The following CCDC14 variants were observed in gnomAD, a reference collection of about 807,000 sequenced individuals.
CCDC14 encodes the protein coiled-coil domain-containing protein 14.
A neutral mutation model predicts 81.4 loss-of-function variants in CCDC14; 71 were observed. That is an observed-to-expected ratio of 0.87 (90% CI 0.72 to 1.06). CCDC14 has a LOEUF of 1.06. Ranked by LOEUF, CCDC14 falls within the 50% of genes least tolerant of loss-of-function variation. The pLI is 0.00. For synonymous variants in CCDC14, 332 were observed against 364.8 expected, an observed-to-expected ratio of 0.91 and a Z score of 1.03; for missense variants, 1,046 against 1,047.3, an observed-to-expected ratio of 1.00 and a Z score of 0.02.
At chr3:123,929,111 A>G (rs746688560) in intron 12 of CCDC14, among the ~76,000 whole-genome samples, 20 of 152,318 alleles carry the variant, frequency 1.3e-4, no homozygotes, top group Admixed American at 2.6e-4. Context: ...CCTCCGCTTC[A>G]TCGGATTTTC....
At chr3:123,902,005 T>C (rs2034188543) in intron 5 of CCDC14, among the ~76,000 whole-genome samples, 1 of 152,056 alleles carries the variant, frequency 6.6e-6, no homozygotes, top group South Asian at 2.1e-4. Flanking sequence ...ATAACAGACA[T>C]AGTAAAGCTT....
chr3:123,915,372 C>T lies in CCDC14; in HGVS notation c.2125G>A (p.Asp709Asn). 1 of 1,613,670 alleles carries T rather than the reference C, an allele frequency of 6.2e-7. No homozygotes were observed. The highest frequency in any genetic ancestry group is 8.5e-7 in the Non-Finnish European group (1 of 1,179,730). Residue 709 changes from aspartate (D) to asparagine (N), a missense_variant, in exon 13 of 13, where the codon GAT becomes AAT. Transcript: ENST00000409697. ...ATAGTTTCACTCCCTTCATCAGAATCCTGTTTTGAAAGGGCAGAAATAATT... is the reference window on the plus strand; with the variant it reads ...ATAGTTTCACTCCCTTCATCAGAATTCTGTTTTGAAAGGGCAGAAATAATT... The part of the protein sequence containing the change: ...PGIISALSKQ[D>N]SDEGSETMAL...
intron 9 of CCDC14, among the ~76,000 whole-genome samples, chr3:123,937,112 C>T (rs987192591): frequency 7.9e-5 from 12 of 152,124 alleles, no homozygotes; most frequent in Non-Finnish European, 1.5e-4. Context: ...TTTATCCATT[C>T]ACCTATTGAT....
chr3:123,949,782 T>C (rs544721647), intron 5 of CCDC14, among the ~76,000 whole-genome samples: 1 of 152,234 alleles, frequency 6.6e-6, no homozygotes, highest in Non-Finnish European at 1.5e-5. Flanking sequence ...AAGGCTCATC[T>C]GAGTTTTCTT....
chr3:123,919,326 G>C (rs920209848), intron 12 of CCDC14, among the ~76,000 whole-genome samples: 3 of 152,186 alleles, frequency 2.0e-5, no homozygotes, highest in Non-Finnish European at 4.4e-5. Flanking sequence ...TCCAGCCTGA[G>C]GTTTTGCCCA....
At chr3:123,936,442 A>C (rs2036060059) in intron 9 of CCDC14, among the ~76,000 whole-genome samples, 1 of 152,092 alleles carries the variant, frequency 6.6e-6, no homozygotes, top group Non-Finnish European at 1.5e-5. Context: ...AAAGTGTGTC[A>C]TTTTATTTTC....
intron 9 of CCDC14, among the ~76,000 whole-genome samples, chr3:123,943,247 T>C (rs2036454546): frequency 1.3e-5 from 2 of 152,006 alleles, no homozygotes; most frequent in African/African-American, 4.8e-5. Context: ...TACCTTTTAT[T>C]AAAATATTTG....
intron 9 of CCDC14, among the ~76,000 whole-genome samples, chr3:123,940,013 A>C (rs1319356237): frequency 6.6e-6 from 1 of 151,762 alleles, no homozygotes; most frequent in African/African-American, 2.4e-5. Context: ...AAAAAGGTAA[A>C]TATTATATAT....
chr3:123,915,140 G>A lies in CCDC14; in HGVS notation c.2357C>T (p.Ser786Leu). ...AGGTGCATCTTCTGCTTCCTTTGTT[G>A]AAGAGGAACAGATTACAGGTGTACA... The part of the protein sequence containing the change: ...KLCTPVICSS[S>L]TKEAEDAPEK... Residue 786 changes from serine to leucine, a missense_variant, in exon 13 of 13, where the codon TCA becomes TTA. Ser to Leu is a moderately radical substitution (Grantham distance 145). Transcript: ENST00000409697. 6.2e-7 allele frequency: 1 copy of A among 1,613,838 alleles called. No homozygotes were observed. Among genetic ancestry groups the A allele is most frequent in the Non-Finnish European group, 8.5e-7 (1 of 1,179,814 alleles).
At chr3:123,890,834 G>A in the CCDC14 span, among the ~76,000 whole-genome samples, 8 of 152,162 alleles carry the variant, frequency 5.3e-5, no homozygotes, top group African/African-American at 1.9e-4. Flanking sequence ...ACCCTAGTAG[G>A]GACTCTGTGT....
intron 12 of CCDC14, among the ~76,000 whole-genome samples, chr3:123,927,034 G>C (rs898310323): frequency 6.6e-6 from 1 of 152,156 alleles, no homozygotes; most frequent in African/African-American, 2.4e-5. Flanking sequence ...ATTGCATAGG[G>C]TGTCATCAAA....
downstream of CCDC14, among the ~76,000 whole-genome samples, chr3:123,892,458 A>AC (rs1297755533): frequency 6.6e-6 from 1 of 152,208 alleles, no homozygotes; most frequent in East Asian, 1.9e-4. Context: ...AGGAGGGGCT[A>AC]CAGTGAAGGT....
intron 9 of CCDC14, among the ~76,000 whole-genome samples, chr3:123,943,704 A>G (rs1160120672): frequency 6.6e-6 from 1 of 152,122 alleles, no homozygotes; most frequent in Admixed American, 6.6e-5. Context: ...CCATGATTCA[A>G]CCATGACTAT....
intron 7 of CCDC14, among the ~76,000 whole-genome samples, chr3:123,948,260 A>G (rs2036777440): frequency 6.9e-6 from 1 of 145,534 alleles, no homozygotes; most frequent in African/African-American, 2.6e-5. Context: ...TTTTTGAGAT[A>G]GAGTCTCACT....
intron 9 of CCDC14, among the ~76,000 whole-genome samples, chr3:123,935,620 A>G (rs1029892989): frequency 1.3e-5 from 2 of 152,256 alleles, no homozygotes; most frequent in Non-Finnish European, 2.9e-5. Flanking sequence ...AAGATCTCTG[A>G]GACACATTAT....
intron 12 of CCDC14, among the ~76,000 whole-genome samples, chr3:123,917,134 C>T (rs1009043891): frequency 1.3e-5 from 2 of 151,624 alleles, no homozygotes; most frequent in African/African-American, 2.4e-5. Context: ...TGAGCCACCA[C>T]GCCCAGCCTA....
At chr3:123,961,058 G>T in intron 1 of CCDC14, 86 bp downstream of exon 1, 2 of 1,183,026 alleles carry the variant, frequency 1.7e-6, no homozygotes, top group South Asian at 1.5e-5. Flanking sequence ...GTCTTTTTTC[G>T]AGCAGAGTTT....
rs1432627872 is a variant in CCDC14 at position 123,914,529 on chromosome 3, A to C, written c.*250T>G. 1 of 1,144,488 alleles carries C rather than the reference A, an allele frequency of 8.7e-7. No individual in the cohort carries two copies. The highest frequency in any genetic ancestry group is 1.1e-6 in the Non-Finnish European group (1 of 931,214). 70.9% of individuals were successfully genotyped at this position (1,144,488 alleles called of 1,614,324 possible). ...AAAGAACTCTAATTGCTAAGTACTG[A>C]AATAAAACATTACTTACAATAATTT... is the stretch of plus-strand genomic sequence containing the variant. On this transcript the variant is annotated 3_prime_UTR_variant, in exon 13 of 13. Transcript: ENST00000409697.
chr3:123,956,245 C>T (rs1190539647), intron 3 of CCDC14, 110 bp downstream of exon 3: 3 of 1,237,956 alleles, frequency 2.4e-6, no homozygotes, highest in South Asian at 3.0e-5. Context: ...TTTAAAGCAA[C>T]AGACTTCATA....
Sources: gnomAD v4.1 joint callset for allele counts (sites outside exome capture counted in the v4.1 genomes callset) on GRCh38, gnomAD v4.1.1 for gene constraint, MANE v1.5 for transcripts, NCBI Gene and HGNC (gene_info 2026-07-23, HGNC 2026-07-21) for gene names.